Variants in TRRAP observed in about 807,000 individuals in gnomAD.
TRRAP encodes the protein transformation/transcription domain associated protein, also known as transformation/transcription domain-associated protein.
Under a neutral mutation model 438.8 loss-of-function variants are expected in TRRAP, and 41 were observed. The observed-to-expected ratio is 0.09, with a 90% CI of 0.07 to 0.12. The LOEUF (loss-of-function observed/expected upper bound fraction) is 0.12. TRRAP is among the 10% of genes least tolerant of loss of function. TRRAP has a pLI of 1.00. For missense variants in TRRAP, 3,122 were observed against 5,055.1 expected (o/e 0.62, Z 11.60); for synonymous variants, 1,994 against 1,962.9 (o/e 1.02, Z -0.42).
At position 98,931,532 on chromosome 7, in the gene TRRAP, A is replaced by G; in HGVS notation, c.3719A>G (p.His1240Arg). Residue 1240 changes from histidine (H) to arginine (R), a missense_variant, in exon 26 of 73, where the codon CAT (histidine) becomes CGT (arginine). His to Arg is a conservative substitution (Grantham distance 29). Coordinates refer to ENST00000456197, the MANE Select transcript of TRRAP (RefSeq NM_001375524.1). ...GCCGCCCAGGAAAAGTCTTTCCACC[A>G]TGTGACACACGACTTGGTTCGAGAA... ...IVAAQEKSFHHVTHDLVREVT... is the reference protein window; with the variant it reads ...IVAAQEKSFHRVTHDLVREVT... 2 of 1,614,168 alleles carry G rather than the reference A, an allele frequency of 1.2e-6. No individual in the cohort carries two copies. The highest frequency in any genetic ancestry group is 1.7e-6 in the Non-Finnish European group (2 of 1,180,016).
At chr7:98,892,604 G>A in intron 5 of TRRAP, 76 bp downstream of exon 5, 1 of 1,256,708 alleles carries the variant, frequency 8.0e-7, no homozygotes, top group Non-Finnish European at 1.1e-6. Context: ...GTAAATTTCA[G>A]CATTATACAA....
At chr7:98,940,627 G>A (rs1376912464) in intron 30 of TRRAP, among the ~76,000 whole-genome samples, 3 of 152,178 alleles carry the variant, frequency 2.0e-5, no homozygotes, top group Admixed American at 6.5e-5. Context: ...CATGGGTTTT[G>A]TGTTAATGGT....
intron 51 of TRRAP, among the ~76,000 whole-genome samples, chr7:98,969,377 T>G (rs893103665): frequency 6.6e-6 from 1 of 152,196 alleles, no homozygotes; most frequent in African/African-American, 2.4e-5. Flanking sequence ...CCACTCAGGC[T>G]AATGTGCAGC....
rs944320481 is a variant in TRRAP at position 98,984,199 on chromosome 7, C to A, written c.9129C>A (p.Ile3043=). ...SASAIIQYGK[I]ARKQGLVNVA... ...CAGCGATCATCCAGTATGGAAAAAT[C>A]GCCCGGAAACAAGGACTGGTCAATG... is the stretch of plus-strand genomic sequence containing the variant. Residue 3043 remains isoleucine (I), a synonymous_variant, in exon 61 of 73, where the codon ATC becomes ATA. Coordinates refer to ENST00000456197, the MANE Select transcript of TRRAP (RefSeq NM_001375524.1). 1 of 1,614,104 alleles carries A rather than the reference C, an allele frequency of 6.2e-7. No individual in the cohort carries two copies. The highest frequency in any genetic ancestry group is 2.2e-5 in the East Asian group (1 of 44,882).
At chr7:98,946,558 TGCACACACACCACACGC>T (rs1791076495) in intron 33 of TRRAP, among the ~76,000 whole-genome samples, 1 of 137,504 alleles carries the variant, frequency 7.3e-6, no homozygotes, top group South Asian at 2.4e-4. Context: ...ACACCACACA[TGCACACACACCACACGC>T]GCACACACCA....
At chr7:98,965,982 C>A in intron 49 of TRRAP, 87 bp downstream of exon 49, 1 of 1,479,572 alleles carries the variant, frequency 6.8e-7, no homozygotes, top group Non-Finnish European at 9.2e-7. Flanking sequence ...AAACTTGAAG[C>A]AAAACATTTT....
chr7:98,892,327 T>G, intron 4 of TRRAP, 97 bp from the exon 5 acceptor site: 1 of 990,562 alleles, frequency 1.0e-6, no homozygotes, highest in South Asian at 1.4e-5. Flanking sequence ...TAGTGCTGGG[T>G]GTAAACAGCT....
chr7:98,942,335 C>T (rs1790833479), intron 30 of TRRAP, among the ~76,000 whole-genome samples: 1 of 152,214 alleles, frequency 6.6e-6, no homozygotes, highest in Admixed American at 6.5e-5. Context: ...CACTGCTCCC[C>T]CGCGTGGCCA....
Position 98,948,137 on chromosome 7 carries a change from C to T in TRRAP, c.4549-84C>T, listed in dbSNP as rs1478957184. On this transcript the variant is annotated intron_variant, in intron 33 of 72. Transcript: ENST00000456197. This position sits in a 1 kb window ranked among gnomAD's most constrained non-coding sequence, Gnocchi z 4.9. Reference sequence around the variant, plus strand: ...GCCTAGCCTTGCCAACATAGTTAGACTATAGTAGGGTCTGTAGTGACGTTG... The same window carrying T: ...GCCTAGCCTTGCCAACATAGTTAGATTATAGTAGGGTCTGTAGTGACGTTG... 8 of 1,584,094 alleles carry T rather than the reference C, an allele frequency of 5.1e-6. No homozygotes were observed. In the East Asian group the frequency reaches 1.3e-4, roughly 27 times the overall value.
At chr7:98,882,715 G>A (rs181493061) in intron 3 of TRRAP, among the ~76,000 whole-genome samples, 2 of 152,250 alleles carry the variant, frequency 1.3e-5, no homozygotes, top group African/African-American at 4.8e-5. Context: ...AGGCTAGAGT[G>A]CAGTGGCGTG....
At chr7:98,970,069 A>T in intron 51 of TRRAP, 43 bp from the exon 52 acceptor site, 3 of 1,600,188 alleles carry the variant, frequency 1.9e-6, no homozygotes, top group Non-Finnish European at 1.7e-6. Flanking sequence ...CCTGAATGCC[A>T]CGCGCATGCC....
chr7:98,905,111 C>CGGAA (rs1554407311), intron 12 of TRRAP, among the ~76,000 whole-genome samples: 2 of 152,114 alleles, frequency 1.3e-5, no homozygotes, highest in African/African-American at 4.8e-5. Context: ...GGAGGTGTTC[C>CGGAA]CACCTCCCCA....
chr7:98,935,698 G>A (rs782804828), intron 28 of TRRAP, 23 bp downstream of exon 28: 4 of 1,563,966 alleles, frequency 2.6e-6, no homozygotes, highest in Non-Finnish European at 3.5e-6. Flanking sequence ...AAATCTACGG[G>A]GTATAAAAGT....
At chr7:98,889,555 T>TAAA (rs11364826) in intron 3 of TRRAP, among the ~76,000 whole-genome samples, 3 of 135,328 alleles carry the variant, frequency 2.2e-5, no homozygotes, top group Admixed American at 7.1e-5. Context: ...TTTTTTTTTT[T>TAAA]AAAAAAAATA....
Position 98,896,287 on chromosome 7 carries a change from A to T in TRRAP, c.507+467A>T, listed in dbSNP as rs369085177. Among the ~76,000 whole-genome samples the T allele has an allele frequency of 2.5e-4, 38 of 152,088 alleles. No homozygotes were observed. In the South Asian group the frequency reaches 7.9e-3, roughly 32 times the overall value. ...CTTTATAAGCAGTGCCACAATATAC[A>T]GGTTTGTGGAGTAGAGGAGGAAAAT... On this transcript the variant is annotated intron_variant, in intron 7 of 72. Transcript: ENST00000456197.
intron 51 of TRRAP, among the ~76,000 whole-genome samples, chr7:98,969,066 CCCACTGG>C (rs1377424360): frequency 2.0e-5 from 3 of 152,240 alleles, no homozygotes; most frequent in Admixed American, 2.0e-4. Flanking sequence ...CAGTTCAGGG[CCCACTGG>C]CCACCGCCAT....
intron 26 of TRRAP, 45 bp downstream of exon 26, chr7:98,931,710 T>C: frequency 1.3e-6 from 2 of 1,586,320 alleles, no homozygotes; most frequent in Middle Eastern, 1.7e-4. Flanking sequence ...AACAAAACTT[T>C]TGAGCCTTTT....
chr7:98,923,315 G>A (rs576773303), intron 21 of TRRAP, among the ~76,000 whole-genome samples: 1 of 152,312 alleles, frequency 6.6e-6, no homozygotes, highest in Non-Finnish European at 1.5e-5. Context: ...AGGTAGGATC[G>A]TAAAGGTCTG....
chr7:98,895,824 T>TTTG lies in TRRAP; in HGVS notation c.507+4_507+5insTTG. ...CAAGGAGCTTCCAAAAGTAGTGGTA[T>TTTG]GTTTTTACTTTGGTTTTAATTAGTT... On this transcript the variant is annotated splice_donor_region_variant and intron_variant, in intron 7 of 72. Coordinates refer to ENST00000456197, the MANE Select transcript of TRRAP (RefSeq NM_001375524.1). The TTTG allele has an allele frequency of 6.2e-7, 1 of 1,600,304 alleles. No homozygotes were observed. Among genetic ancestry groups the TTTG allele is most frequent in the Admixed American group, 1.7e-5 (1 of 58,002 alleles).
Sources: allele counts gnomAD v4.1 joint callset (sites outside exome capture counted in the v4.1 genomes callset), GRCh38; gene constraint gnomAD v4.1.1; non-coding constraint Gnocchi (gnomAD v3.1); transcripts MANE v1.5; gene names NCBI Gene and HGNC (gene_info 2026-07-23, HGNC 2026-07-21).